The following TLL1 variants were observed in gnomAD, a reference collection of about 807,000 sequenced individuals.
TLL1 encodes the protein tolloid like 1, also known as tolloid-like protein 1.
TLL1 carries 49 observed loss-of-function variants against 128.2 expected under a neutral mutation model. The observed-to-expected ratio is 0.38, with a 90% CI of 0.30 to 0.48. The LOEUF (loss-of-function observed/expected upper bound fraction) is 0.48, where lower values mean the gene tolerates loss of function less well. Among genes scored for constraint, TLL1 ranks in the 20% least tolerant of loss-of-function variants. TLL1 has a pLI of 0.96. For missense variants in TLL1, 1,123 were observed against 1,242.0 expected (o/e 0.90, Z 1.44); for synonymous variants, 454 against 418.8 (o/e 1.08, Z -1.03).
chr4:165,904,602 G>A (rs1025191716), intron 1 of TLL1, among the ~76,000 whole-genome samples: 1 of 152,168 alleles, frequency 6.6e-6, no homozygotes, highest in African/African-American at 2.4e-5. Context: ...TTTCTGATAT[G>A]TAGATTTATC....
chr4:165,966,738 G>A (rs1252389049), intron 1 of TLL1, among the ~76,000 whole-genome samples: 1 of 152,088 alleles, frequency 6.6e-6, no homozygotes, highest in Non-Finnish European at 1.5e-5. Context: ...TACAAATAGG[G>A]TATGGGTCAC....
intron 19 of TLL1, among the ~76,000 whole-genome samples, chr4:166,097,621 C>T (rs569942575): frequency 2.0e-5 from 3 of 152,070 alleles, no homozygotes; most frequent in Non-Finnish European, 2.9e-5. Context: ...GTTCCATACC[C>T]GTAATTCAGA....
At chr4:165,886,912 T>C (rs1175414668) in intron 1 of TLL1, among the ~76,000 whole-genome samples, 1 of 152,148 alleles carries the variant, frequency 6.6e-6, no homozygotes, top group Non-Finnish European at 1.5e-5. Flanking sequence ...CTTGAAGTCC[T>C]GTGATTTTCT....
intron 12 of TLL1, among the ~76,000 whole-genome samples, chr4:166,054,358 G>A (rs1177320997): frequency 6.6e-6 from 1 of 152,122 alleles, no homozygotes; most frequent in African/African-American, 2.4e-5. Context: ...TTTGTTCAGA[G>A]TATTTGAATC....
At chr4:166,016,353 C>A (rs1030045061) in intron 8 of TLL1, among the ~76,000 whole-genome samples, 3 of 151,992 alleles carry the variant, frequency 2.0e-5, no homozygotes, top group Non-Finnish European at 4.4e-5. Context: ...AATAAGTGAA[C>A]ACTTTGTGTA....
At chr4:165,903,732 A>AACACACAC (rs1561018121) in intron 1 of TLL1, among the ~76,000 whole-genome samples, 333 of 104,718 alleles carry the variant, frequency 3.2e-3, no homozygotes, top group African/African-American at 0.011. Flanking sequence ...TTAAGTTCTT[A>AACACACAC]TCACACACAC....
At chr4:166,039,988 A>G (rs1739172533) in intron 10 of TLL1, among the ~76,000 whole-genome samples, 1 of 152,156 alleles carries the variant, frequency 6.6e-6, no homozygotes, top group African/African-American at 2.4e-5. Flanking sequence ...TTGTGTCATA[A>G]ACTGTAGCTC....
intron 1 of TLL1, among the ~76,000 whole-genome samples, chr4:165,901,453 C>T (rs943504487): frequency 1.3e-5 from 2 of 152,164 alleles, no homozygotes; most frequent in Non-Finnish European, 2.9e-5. Flanking sequence ...GGTTGATGCT[C>T]ATGCTAATCC....
chr4:166,098,563 T>C (rs1179382835), intron 19 of TLL1, among the ~76,000 whole-genome samples: 1 of 152,080 alleles, frequency 6.6e-6, no homozygotes, highest in Non-Finnish European at 1.5e-5. Context: ...ACATTTACTA[T>C]TTTTTCATGT....
At chr4:166,007,308 T>C (rs1032248368) in intron 6 of TLL1, among the ~76,000 whole-genome samples, 1 of 151,706 alleles carries the variant, frequency 6.6e-6, no homozygotes, top group African/African-American at 2.4e-5. Context: ...ATGTGGAAAT[T>C]TGGAAAAGCA....
chr4:165,991,419 C>T (rs2111013050), intron 2 of TLL1, among the ~76,000 whole-genome samples: 1 of 152,010 alleles, frequency 6.6e-6, no homozygotes, highest in Admixed American at 6.6e-5. Context: ...ATCATTGATG[C>T]CATACTTTTA....
intron 1 of TLL1, among the ~76,000 whole-genome samples, chr4:165,921,652 A>C (rs899748310): frequency 6.6e-6 from 1 of 152,168 alleles, no homozygotes; most frequent in Non-Finnish European, 1.5e-5. Flanking sequence ...TTGATGTCTT[A>C]TAGTTAGACA....
chr4:165,906,764 A>G (rs1732276115), intron 1 of TLL1, among the ~76,000 whole-genome samples: 1 of 148,706 alleles, frequency 6.7e-6, no homozygotes, highest in Non-Finnish European at 1.5e-5. Flanking sequence ...TTAGGCCTGT[A>G]TCTTAGTGTA....
chr4:165,973,560 T>C (rs952311613), intron 1 of TLL1, among the ~76,000 whole-genome samples: 1 of 151,852 alleles, frequency 6.6e-6, no homozygotes, highest in African/African-American at 2.4e-5. Context: ...ATTGGTTTAG[T>C]GGCTGGAAAG....
chr4:165,883,592 G>C (rs1041447208), intron 1 of TLL1, among the ~76,000 whole-genome samples: 1 of 152,038 alleles, frequency 6.6e-6, no homozygotes, highest in African/African-American at 2.4e-5. Flanking sequence ...GCTTTTTCTG[G>C]AACATAACAA....
intron 1 of TLL1, among the ~76,000 whole-genome samples, chr4:165,933,384 C>T (rs137888495): frequency 4.6e-5 from 7 of 152,114 alleles, no homozygotes; most frequent in East Asian, 1.9e-4. Flanking sequence ...GTGTTGTGCC[C>T]GTACAGTTCA....
intron 1 of TLL1, among the ~76,000 whole-genome samples, chr4:165,977,206 G>A (rs533525149): frequency 1.3e-5 from 2 of 152,230 alleles, no homozygotes; most frequent in Non-Finnish European, 2.9e-5. Context: ...TCCACATGTC[G>A]AGGGCAGAAC....
chr4:165,932,926 C>G (rs1289681442), intron 1 of TLL1, among the ~76,000 whole-genome samples: 1 of 152,120 alleles, frequency 6.6e-6, no homozygotes, highest in Non-Finnish European at 1.5e-5. Flanking sequence ...TATAATACCA[C>G]TCTCATCAAC....
intron 1 of TLL1, among the ~76,000 whole-genome samples, chr4:165,981,021 T>C (rs1344309054): frequency 6.6e-6 from 1 of 152,124 alleles, no homozygotes; most frequent in African/African-American, 2.4e-5. Context: ...GAGCTCTTTA[T>C]GAAATTTTAG....
Sources: allele counts gnomAD v4.1 joint callset (sites outside exome capture counted in the v4.1 genomes callset), GRCh38; gene constraint gnomAD v4.1.1; transcripts MANE v1.5; gene names NCBI Gene and HGNC (gene_info 2026-07-23, HGNC 2026-07-21).